KCNQ1: variants seen among roughly 807,000 people sequenced by gnomAD.
The protein encoded by KCNQ1 is potassium voltage-gated channel subfamily KQT member 1.
Under a neutral mutation model 72.4 loss-of-function variants are expected in KCNQ1, and 49 were observed. The ratio of observed to expected loss-of-function variants is 0.68; its 90% confidence interval spans 0.54 to 0.86. The LOEUF (loss-of-function observed/expected upper bound fraction) is 0.86. KCNQ1 is among the 40% of genes least tolerant of loss of function. The pLI is 0.00. For missense variants in KCNQ1, 790 were observed against 945.1 expected, an observed-to-expected ratio of 0.84 and a Z score of 2.15; for synonymous variants, 450 against 412.6, an observed-to-expected ratio of 1.09 and a Z score of -1.10.
rs1306857320 is a variant in KCNQ1 at position 2,723,008 on chromosome 11, C to T, written c.1515-45836C>T. Among the ~76,000 whole-genome samples, 1 of 152,218 alleles carries T rather than the reference C, an allele frequency of 6.6e-6. No individual in the cohort carries two copies. Among genetic ancestry groups the T allele is most frequent in the Non-Finnish European group, 1.5e-5 (1 of 68,034 alleles). On this transcript the variant is annotated intron_variant, in intron 11 of 15. Coordinates refer to ENST00000155840, the MANE Select transcript of KCNQ1 (RefSeq NM_000218.3). This position sits in a 1 kb window ranked among gnomAD's most constrained non-coding sequence, Gnocchi z 4.2. ...GCCTCGGGGCAGGCTCACCTCACAC[C>T]CTTGTGGGCCAGCTGCGGCCCAAAA...
rs1334366527 is a variant in KCNQ1, at chr11:2,541,987, G to A, written c.477+13969G>A. On this transcript the variant is annotated intron_variant, in intron 2 of 15. Coordinates refer to ENST00000155840, the MANE Select transcript of KCNQ1 (RefSeq NM_000218.3). This position sits in a 1 kb window ranked among gnomAD's most constrained non-coding sequence, Gnocchi z 4.8. ...ACCGTGGGGTCCCCTGGCTTGGGGT[G>A]GGCCTCAGAGGCTGTCGCCGTGCCT... Among the ~76,000 whole-genome samples, 1 of 152,192 alleles carries A rather than the reference G, an allele frequency of 6.6e-6. No homozygotes were observed. Among genetic ancestry groups the A allele is most frequent in the African/African-American group, 2.4e-5 (1 of 41,464 alleles).
Position 2,672,000 on chromosome 11 carries a change from G to A in KCNQ1, c.1514+9919G>A, listed in dbSNP as rs12146615. 1.5e-5 allele frequency: 6 copies of A among 398,468 alleles called. No individual in the cohort carries two copies. Among genetic ancestry groups the A allele is most frequent in the Non-Finnish European group, 2.2e-5 (5 of 226,118 alleles). 24.7% of individuals were successfully genotyped at this position (398,468 alleles called of 1,614,324 possible). ...CTAGCACCCCTGACTTCAAGTCCTC[G>A]AGTGTATGTTGGGCTTGTCTCCCTA... On this transcript the variant is annotated intron_variant, in intron 11 of 15. Transcript: ENST00000155840. The surrounding 1 kb of genome is among the most constrained non-coding windows in gnomAD (Gnocchi z 4.7).
Position 2,478,283 on chromosome 11 carries a change from G to A in KCNQ1, c.386+32799G>A, listed in dbSNP as rs1846601998. On this transcript the variant is annotated intron_variant, in intron 1 of 15. Transcript: ENST00000155840. The surrounding 1 kb of genome is among the most constrained non-coding windows in gnomAD (Gnocchi z 4.0). ...ACCGTTCAGGGTGAAGGGGAAGGAA[G>A]AAATGTGATGCCTAAGTGGGAGTCT... is the stretch of plus-strand genomic sequence containing the variant. 6.6e-6 allele frequency among the ~76,000 whole-genome samples: 1 copy of A among 152,184 alleles called. No individual in the cohort carries two copies. Among genetic ancestry groups the A allele is most frequent in the African/African-American group, 2.4e-5 (1 of 41,452 alleles).
rs965221992 is a variant in KCNQ1, at chr11:2,670,604, C to T, written c.1514+8523C>T. ...AAGCCAGGGCTCATTCCCAGACACA[C>T]AATCTCTGGGGGAGCCTGGATATGC... On this transcript the variant is annotated intron_variant, in intron 11 of 15. Transcript: ENST00000155840. The surrounding 1 kb of genome is among the most constrained non-coding windows in gnomAD (Gnocchi z 4.9). The T allele has an allele frequency of 1.3e-5, 5 of 398,288 alleles. No homozygotes were observed. Among genetic ancestry groups the T allele is most frequent in the African/African-American group, 2.1e-5 (1 of 48,518 alleles). 24.7% of individuals were successfully genotyped at this position (398,288 alleles called of 1,614,324 possible). A position where few individuals can be genotyped will look rare whatever the true frequency, so the allele number is the denominator to read the frequency against.
intron 10 of KCNQ1, chr11:2,625,057 A>G (rs1849242048): frequency 2.5e-6 from 1 of 398,614 alleles, no homozygotes; most frequent in South Asian, 1.3e-4. Context: ...GTATACAAAT[A>G]TATCTTTGAG....
rs1054989698 is a variant in KCNQ1, at chr11:2,764,941, C to G, written c.1515-3903C>G. The stretch of plus-strand genomic sequence containing the variant: ...TGTTTTATTAGTCTCTTCTGAGAAC[C>G]AAATTTTGGCTTTGTTGATTTTCCT... On this transcript the variant is annotated intron_variant, in intron 11 of 15. Transcript: ENST00000155840. This position sits in a 1 kb window ranked among gnomAD's most constrained non-coding sequence, Gnocchi z 4.8. Among the ~76,000 whole-genome samples the G allele has an allele frequency of 1.3e-5, 2 of 152,088 alleles. No homozygotes were observed. Among genetic ancestry groups the G allele is most frequent in the South Asian group, 2.1e-4 (1 of 4,816 alleles).
Position 2,648,198 on chromosome 11 carries a change from G to A in KCNQ1, c.1394-13763G>A, listed in dbSNP as rs138657168. ...CTAGCCTGGGTGACAGAGTGAGACC[G>A]TGTCTCGGGGGGTGGGGGGGAGGCC... On this transcript the variant is annotated intron_variant, in intron 10 of 15. Coordinates refer to ENST00000155840, the MANE Select transcript of KCNQ1 (RefSeq NM_000218.3). 3,465 of 389,158 alleles carry A rather than the reference G, an allele frequency of 8.9e-3. 18 individuals are homozygous for A. Among genetic ancestry groups the A allele is most frequent in the Non-Finnish European group, 0.011 (2,464 of 223,618 alleles). 24.1% of individuals were successfully genotyped at this position (389,158 alleles called of 1,614,324 possible). A position where few individuals can be genotyped will look rare whatever the true frequency, so the allele number is the denominator to read the frequency against.
In KCNQ1 at chr11:2,626,627, C is replaced by T. The variant is rs1849266526; in HGVS notation, c.1394-35334C>T. The stretch of plus-strand genomic sequence containing the variant: ...TACTGCCACCTCAATCTCCCAGGCT[C>T]AAGCAATCCTCCCACCTCGGCTTCT... On this transcript the variant is annotated intron_variant, in intron 10 of 15. Transcript: ENST00000155840. The surrounding 1 kb of genome is among the most constrained non-coding windows in gnomAD (Gnocchi z 4.0). 2.5e-6 allele frequency: 1 copy of T among 398,510 alleles called. No individual in the cohort carries two copies. The highest frequency in any genetic ancestry group is 4.4e-6 in the Non-Finnish European group (1 of 226,104). The allele number at this position is 398,510 out of a possible 1,614,324, so 24.7% of individuals were successfully genotyped here. A position where few individuals can be genotyped will look rare whatever the true frequency, so the allele number is the denominator to read the frequency against.
chr11:2,697,254 G>A (rs895412422), intron 11 of KCNQ1: 3 of 398,474 alleles, frequency 7.5e-6, no homozygotes, highest in Non-Finnish European at 1.3e-5. Flanking sequence ...GCCCTTTGGG[G>A]GTTTCAATAA....
At position 2,827,310 on chromosome 11, in the gene KCNQ1, G is replaced by C. The variant is rs1847859221; in HGVS notation, c.1795-20457G>C. On this transcript the variant is annotated intron_variant, in intron 15 of 15. Transcript: ENST00000155840. The surrounding 1 kb of genome is among the most constrained non-coding windows in gnomAD (Gnocchi z 6.7). ...GCTTCAGGGCTGATGTGTGCCTGGT[G>C]AATCAGCCTGGCCCCAGACCTCCTC... is the stretch of plus-strand genomic sequence containing the variant. 1.3e-5 allele frequency among the ~76,000 whole-genome samples: 2 copies of C among 152,148 alleles called. No homozygotes were observed. Among genetic ancestry groups the C allele is most frequent in the Admixed American group, 1.3e-4 (2 of 15,288 alleles).
rs1849150663 is a variant in KCNQ1 at position 2,620,421 on chromosome 11, G to C, written c.1393+31567G>C. 1 of 249,070 alleles carries C rather than the reference G, an allele frequency of 4.0e-6. No homozygotes were observed. Among genetic ancestry groups the C allele is most frequent in the Non-Finnish European group, 7.5e-6 (1 of 132,942 alleles). 15.4% of individuals were successfully genotyped at this position (249,070 alleles called of 1,614,324 possible). A position where few individuals can be genotyped will look rare whatever the true frequency, so the allele number is the denominator to read the frequency against. The stretch of plus-strand genomic sequence containing the variant: ...AGTAGAGACAGGGTTTTTCCATGTT[G>C]GTCAGGCTGGTCTCGAACTCCTGAC... On this transcript the variant is annotated intron_variant, in intron 10 of 15. Transcript: ENST00000155840. The surrounding 1 kb of genome is among the most constrained non-coding windows in gnomAD (Gnocchi z 4.5).
chr11:2,842,509 G>C (rs1444542493), intron 15 of KCNQ1, among the ~76,000 whole-genome samples: 1 of 152,228 alleles, frequency 6.6e-6, no homozygotes, highest in African/African-American at 2.4e-5. Context: ...GGGCCTGGGG[G>C]TGCAGGCAGG....
At chr11:2,572,670 C>T (rs1320369535) in intron 5 of KCNQ1, among the ~76,000 whole-genome samples, 176 bp from the exon 6 acceptor site, 3 of 152,266 alleles carry the variant, frequency 2.0e-5, no homozygotes, top group Admixed American at 2.0e-4. Flanking sequence ...CCCCCACCCG[C>T]CACTTACCGG....
intron 1 of KCNQ1, among the ~76,000 whole-genome samples, chr11:2,524,108 C>T (rs1045180936): frequency 6.6e-6 from 1 of 152,078 alleles, no homozygotes; most frequent in Non-Finnish European, 1.5e-5. Flanking sequence ...CGGGTGAGCC[C>T]TCACTGTGAT....
Position 2,673,276 on chromosome 11 carries a change from C to T in KCNQ1, c.1514+11195C>T, listed in dbSNP as rs780922045. 5.0e-6 allele frequency: 2 copies of T among 398,602 alleles called. No individual in the cohort carries two copies. The highest frequency in any genetic ancestry group is 8.8e-6 in the Non-Finnish European group (2 of 226,112). 24.7% of individuals were successfully genotyped at this position (398,602 alleles called of 1,614,324 possible). A position where few individuals can be genotyped will look rare whatever the true frequency, so the allele number is the denominator to read the frequency against. Reference sequence around the variant, plus strand: ...CAGACTGCAAAGCCTCAGCCACCTTCTCCCCTAGAAGAAATCTTGAGAGAA... The same window carrying T: ...CAGACTGCAAAGCCTCAGCCACCTTTTCCCCTAGAAGAAATCTTGAGAGAA... On this transcript the variant is annotated intron_variant, in intron 11 of 15. Transcript: ENST00000155840. This position sits in a 1 kb window ranked among gnomAD's most constrained non-coding sequence, Gnocchi z 4.5.
intron 10 of KCNQ1, chr11:2,650,190 T>C (rs1849735479): frequency 2.5e-6 from 1 of 398,444 alleles, no homozygotes; most frequent in African/African-American, 2.1e-5. Context: ...TAATGAATTG[T>C]TTTCCTGATA....
At chr11:2,502,387 A>G (rs1036166777) in intron 1 of KCNQ1, among the ~76,000 whole-genome samples, 1 of 152,254 alleles carries the variant, frequency 6.6e-6, no homozygotes, top group African/African-American at 2.4e-5. Context: ...TAGCATTTCT[A>G]TATGCCAACA....
rs1044804777 is a variant in KCNQ1, at chr11:2,759,184, A to G, written c.1515-9660A>G. On this transcript the variant is annotated intron_variant, in intron 11 of 15. Transcript: ENST00000155840. This position sits in a 1 kb window ranked among gnomAD's most constrained non-coding sequence, Gnocchi z 4.4. ...AAAAGAAGCAAAACAACACACTGGG[A>G]GGTGCAGGAAACCACACACGTGATG... 6.6e-6 allele frequency among the ~76,000 whole-genome samples: 1 copy of G among 151,814 alleles called. No homozygotes were observed. Among genetic ancestry groups the G allele is most frequent in the Non-Finnish European group, 1.5e-5 (1 of 67,984 alleles).
intron 11 of KCNQ1, chr11:2,667,850 T>C (rs546016852): frequency 5.0e-5 from 20 of 398,542 alleles, no homozygotes; most frequent in Non-Finnish European, 8.0e-5. Context: ...TAAAGGGTAA[T>C]GTGCATGCAC....
Sources: gnomAD v4.1 joint callset for allele counts (sites outside exome capture counted in the v4.1 genomes callset) on GRCh38, gnomAD v4.1.1 for gene constraint, Gnocchi (gnomAD v3.1) non-coding constraint, MANE v1.5 for transcripts, NCBI Gene and HGNC (gene_info 2026-07-23, HGNC 2026-07-21) for gene names.